The following NYAP2 variants were observed in gnomAD, a reference collection of about 807,000 sequenced individuals.
The protein encoded by NYAP2 is neuronal tyrosine-phosphorylated phosphoinositide-3-kinase adapter 2.
In NYAP2, 23 loss-of-function variants were observed where a neutral mutation model predicts 50.4. That is an observed-to-expected ratio of 0.46 (90% CI 0.33 to 0.65). The LOEUF is 0.65. Ranked by LOEUF, NYAP2 falls within the 30% of genes least tolerant of loss-of-function variation. NYAP2 has a pLI of 0.02. For synonymous variants in NYAP2, 394 were observed against 365.2 expected (o/e 1.08, Z -0.90); for missense variants, 885 against 861.0 (o/e 1.03, Z -0.35).
the NYAP2 span, among the ~76,000 whole-genome samples, chr2:225,671,753 G>A: frequency 6.6e-6 from 1 of 152,024 alleles, no homozygotes; most frequent in African/African-American, 2.4e-5. Context: ...TAAATAATAA[G>A]ATTTCAAAGT....
intron 4 of NYAP2, among the ~76,000 whole-genome samples, chr2:225,518,412 C>G (rs1460974203): frequency 6.7e-6 from 1 of 149,038 alleles, no homozygotes; most frequent in African/African-American, 2.5e-5. Context: ...GGAATAAATT[C>G]AAAACATCTA....
At chr2:225,455,154 A>G (rs1270921248) in intron 3 of NYAP2, among the ~76,000 whole-genome samples, 2 of 152,222 alleles carry the variant, frequency 1.3e-5, no homozygotes, top group East Asian at 1.9e-4. Flanking sequence ...AGTCTTGGAA[A>G]GAGCTGCTGA....
At chr2:225,644,705 TC>T (rs1424042311) in intron 6 of NYAP2, among the ~76,000 whole-genome samples, 1 of 147,342 alleles carries the variant, frequency 6.8e-6, no homozygotes, top group Non-Finnish European at 1.5e-5. Flanking sequence ...GGGAATCCTT[TC>T]CCCATTGCTT....
intron 4 of NYAP2, among the ~76,000 whole-genome samples, chr2:225,518,520 TAATATATA>T (rs1690975978): frequency 2.0e-5 from 1 of 50,936 alleles, no homozygotes; most frequent in African/African-American, 8.3e-5. Flanking sequence ...GTATGTGAGC[TAATATATA>T]TATATATATA....
At chr2:225,440,413 T>C (rs1689450990) in intron 3 of NYAP2, among the ~76,000 whole-genome samples, 1 of 152,194 alleles carries the variant, frequency 6.6e-6, no homozygotes, top group Non-Finnish European at 1.5e-5. Flanking sequence ...ATAAGACCTT[T>C]GGGATATGAC....
At chr2:225,425,910 AG>A (rs1206473914) in intron 3 of NYAP2, among the ~76,000 whole-genome samples, 1 of 152,116 alleles carries the variant, frequency 6.6e-6, no homozygotes, top group Non-Finnish European at 1.5e-5. Context: ...ATTGTGAAAA[AG>A]AATTAGTGTG....
At chr2:225,409,986 G>T (rs565507547) in intron 3 of NYAP2, among the ~76,000 whole-genome samples, 93 of 152,064 alleles carry the variant, frequency 6.1e-4, no homozygotes, top group African/African-American at 2.2e-3. Flanking sequence ...ATGGTTAATT[G>T]GGAGATTTTT....
At chr2:225,604,232 CAT>C (rs1230344551) in intron 5 of NYAP2, among the ~76,000 whole-genome samples, 1 of 152,026 alleles carries the variant, frequency 6.6e-6, no homozygotes, top group Non-Finnish European at 1.5e-5. Flanking sequence ...AAGCTGAAAA[CAT>C]AGGAAACAAA....
intron 4 of NYAP2, among the ~76,000 whole-genome samples, chr2:225,534,687 G>A (rs1052566215): frequency 6.6e-6 from 1 of 152,204 alleles, no homozygotes; most frequent in Non-Finnish European, 1.5e-5. Context: ...CGACAGGAGA[G>A]AGAAACCTTA....
intron 4 of NYAP2, among the ~76,000 whole-genome samples, chr2:225,548,546 A>T (rs1254629382): frequency 6.6e-6 from 1 of 152,018 alleles, no homozygotes; most frequent in East Asian, 1.9e-4. Context: ...AAGTGTCCTG[A>T]AACTCTAAAA....
At chr2:225,608,927 C>T (rs754652981) in intron 5 of NYAP2, among the ~76,000 whole-genome samples, 19 of 152,052 alleles carry the variant, frequency 1.2e-4, no homozygotes, top group Non-Finnish European at 2.8e-4. Context: ...GTTCCTGCAC[C>T]AACTTCTCTT....
chr2:225,515,634 G>A (rs142801201), intron 4 of NYAP2, among the ~76,000 whole-genome samples: 26 of 152,220 alleles, frequency 1.7e-4, no homozygotes, highest in African/African-American at 6.0e-4. Flanking sequence ...TAACCCAGTA[G>A]TATACTAAAA....
chr2:225,619,330 G>T (rs1693047281), intron 5 of NYAP2, among the ~76,000 whole-genome samples: 1 of 152,212 alleles, frequency 6.6e-6, no homozygotes, highest in Admixed American at 6.5e-5. Flanking sequence ...AGTTCAGAGA[G>T]AGAATAGTGC....
chr2:225,474,240 G>A (rs1282941895), intron 3 of NYAP2, among the ~76,000 whole-genome samples: 1 of 152,134 alleles, frequency 6.6e-6, no homozygotes, highest in African/African-American at 2.4e-5. Context: ...AAGTCAGGTA[G>A]CGTGATGCCT....
rs73090836 is a variant in NYAP2 at position 225,593,463 on chromosome 2, C to T, written c.1618+10428C>T. 7.6e-3 allele frequency among the ~76,000 whole-genome samples: 1,150 copies of T among 152,296 alleles called. 33 individuals are homozygous for T. Among genetic ancestry groups the T allele is most frequent in the African/African-American group, 0.027 (1,102 of 41,550 alleles). On this transcript the variant is annotated intron_variant, in intron 5 of 6. Coordinates refer to ENST00000636099, the Ensembl canonical transcript of NYAP2. ...TTGTTCTCCCTTGCTGAAAGGACTT[C>T]GCCAGAAACTTAATGAAAAAAATGT...
chr2:225,580,178 C>T (rs531108533), intron 4 of NYAP2, among the ~76,000 whole-genome samples: 1 of 152,328 alleles, frequency 6.6e-6, no homozygotes, highest in African/African-American at 2.4e-5. Context: ...AGCTTTGGTT[C>T]TTCCAAGTCC....
chr2:225,619,015 T>C (rs977009669), intron 5 of NYAP2, among the ~76,000 whole-genome samples: 1 of 152,332 alleles, frequency 6.6e-6, no homozygotes, highest in South Asian at 2.1e-4. Context: ...AGGGATGACA[T>C]AGATTAGACG....
intron 5 of NYAP2, among the ~76,000 whole-genome samples, chr2:225,602,073 A>G (rs73090845): frequency 0.014 from 2,175 of 152,268 alleles, 67 homozygotes; most frequent in African/African-American, 0.05. Context: ...GCAAAAGAGG[A>G]AAGCTCTCTG....
intron 3 of NYAP2, among the ~76,000 whole-genome samples, chr2:225,450,307 T>G (rs1689629925): frequency 6.6e-6 from 1 of 152,212 alleles, no homozygotes; most frequent in African/African-American, 2.4e-5. Context: ...GGACTTTTTC[T>G]AACATCAGTA....
Sources: gnomAD v4.1 joint callset for allele counts (sites outside exome capture counted in the v4.1 genomes callset) on GRCh38, gnomAD v4.1.1 for gene constraint, MANE v1.5 for transcripts, NCBI Gene and HGNC (gene_info 2026-07-23, HGNC 2026-07-21) for gene names.